The following PCNX2 variants were observed in gnomAD, a reference collection of about 807,000 sequenced individuals.
PCNX2 encodes pecanex 2, also known as pecanex-like protein 2.
Under a neutral mutation model 223.8 loss-of-function variants are expected in PCNX2, and 168 were observed. The ratio of observed to expected loss-of-function variants is 0.75; its 90% CI spans 0.66 to 0.85. The LOEUF (loss-of-function observed/expected upper bound fraction) is 0.85, where lower values mean the gene tolerates loss of function less well. Ranked by LOEUF, PCNX2 falls within the 40% of genes least tolerant of loss-of-function variation. The pLI is 0.00. For synonymous variants in PCNX2, 1,006 were observed against 1,052.6 expected (o/e 0.96, Z 0.86); for missense variants, 2,507 against 2,675.5 (o/e 0.94, Z 1.39).
chr1:233,178,974 A>T, intron 16 of PCNX2, 92 bp downstream of exon 16: 1 of 1,111,374 alleles, frequency 9.0e-7, no homozygotes, highest in Admixed American at 2.0e-5. Context: ...ATGGGCAGTG[A>T]ATTGCTGTCT....
chr1:233,273,727 G>A (rs1044785423), intron 1 of PCNX2, among the ~76,000 whole-genome samples: 1 of 151,792 alleles, frequency 6.6e-6, no homozygotes, highest in Non-Finnish European at 1.5e-5. Context: ...GGGTTCAAGC[G>A]ATTCTCCTGC....
the PCNX2 span, among the ~76,000 whole-genome samples, chr1:233,324,598 A>T: frequency 3.9e-5 from 5 of 127,542 alleles, no homozygotes; most frequent in South Asian, 2.6e-4. Context: ...GTTTACTGAA[A>T]TTTTTTTTTT....
intron 27 of PCNX2, among the ~76,000 whole-genome samples, chr1:233,016,389 C>T (rs1052874715): frequency 1.3e-5 from 2 of 152,184 alleles, no homozygotes; most frequent in African/African-American, 4.8e-5. Flanking sequence ...CTGCCCCTTT[C>T]TCCTCTTTTT....
At chr1:233,226,362 TG>T (rs1283234610) in intron 10 of PCNX2, among the ~76,000 whole-genome samples, 1 of 152,166 alleles carries the variant, frequency 6.6e-6, no homozygotes, top group East Asian at 1.9e-4. Flanking sequence ...CTCCGCCTCC[TG>T]GGTTCAAGCA....
chr1:233,181,144 A>C (rs1679775762), intron 15 of PCNX2: 2 of 145,854 alleles, frequency 1.4e-5, no homozygotes, highest in East Asian at 2.0e-4. Flanking sequence ...AGGATGTCCT[A>C]CTTTCTTTTC....
chr1:233,176,353 C>T (rs1194046641), intron 17 of PCNX2, among the ~76,000 whole-genome samples: 1 of 152,180 alleles, frequency 6.6e-6, no homozygotes. Context: ...CCTTTCTCTC[C>T]TTCTTCCTTT....
chr1:233,068,909 C>G (rs1672731141), intron 23 of PCNX2, among the ~76,000 whole-genome samples: 1 of 152,016 alleles, frequency 6.6e-6, no homozygotes, highest in Admixed American at 6.5e-5. Context: ...AGATGAAAAA[C>G]TATGACCTAC....
intron 1 of PCNX2, chr1:233,293,994 C>T (rs1041762858): frequency 4.1e-6 from 4 of 985,096 alleles, no homozygotes; most frequent in South Asian, 4.7e-5. Flanking sequence ...AATAAACTTG[C>T]ATTTATTGCA....
chr1:233,171,061 T>G (rs909312319), intron 17 of PCNX2, among the ~76,000 whole-genome samples: 6 of 152,238 alleles, frequency 3.9e-5, no homozygotes, highest in African/African-American at 1.4e-4. Flanking sequence ...TGTATCTTTA[T>G]TCTTCTCTTG....
chr1:233,179,611 G>A (rs1679680148), intron 15 of PCNX2, among the ~76,000 whole-genome samples: 1 of 152,184 alleles, frequency 6.6e-6, no homozygotes. Context: ...CTGAAAACCT[G>A]ATAAAGATTG....
At position 233,258,210 on chromosome 1, in the gene PCNX2, T is replaced by C; in HGVS notation, c.1652A>G (p.Asp551Gly). The C allele has an allele frequency of 1.9e-6, 3 of 1,613,994 alleles. No individual in the cohort carries two copies. The highest frequency in any genetic ancestry group is 2.5e-6 in the Non-Finnish European group (3 of 1,179,888). The change falls in exon 5 of 34, where the codon GAT becomes GGT. Residue 551 changes from aspartate to glycine, a missense_variant. Physicochemically the swap from Asp to Gly is moderately conservative, Grantham distance 94 (BLOSUM62 -1). This residue lies in a region of PCNX2 where 1,031 missense variants were observed against 1,021.7 expected (regional missense o/e 1.01). Transcript: ENST00000258229. ...LSKSSAEIVN[D>G]TEKTMPTSKS... ...GGAAGTTGGCATTGTTTTCTCTGTA[T>C]CGTTAACAATTTCTGCAGAACTTTT...
chr1:233,179,650 C>T (rs1679681753), intron 15 of PCNX2, among the ~76,000 whole-genome samples: 2 of 152,160 alleles, frequency 1.3e-5, no homozygotes, highest in South Asian at 2.1e-4. Flanking sequence ...CTCTTCAAAG[C>T]TTGTCTTGGT....
At chr1:233,309,315 G>A in the PCNX2 span, among the ~76,000 whole-genome samples, 1 of 152,072 alleles carries the variant, frequency 6.6e-6, no homozygotes, top group African/African-American at 2.4e-5. Flanking sequence ...GCCAAGGTAG[G>A]TGGATCATTT....
At chr1:233,147,158 G>A (rs1323304508) in intron 19 of PCNX2, among the ~76,000 whole-genome samples, 1 of 152,134 alleles carries the variant, frequency 6.6e-6, no homozygotes, top group African/African-American at 2.4e-5. Context: ...TGAACAAGGG[G>A]GAGGTTAGAG....
intron 12 of PCNX2, among the ~76,000 whole-genome samples, chr1:233,210,247 C>A (rs1345709343): frequency 2.0e-5 from 3 of 152,116 alleles, no homozygotes; most frequent in African/African-American, 7.2e-5. Flanking sequence ...GTCCCCAAAC[C>A]ATACTAAGCA....
Position 233,202,125 on chromosome 1 carries a change from A to G in PCNX2, c.2864-1861T>C, listed in dbSNP as rs1201785146. The G allele has an allele frequency of 2.2e-5, 10 of 457,810 alleles. No individual in the cohort carries two copies. In the East Asian group the frequency reaches 6.4e-4, roughly 29 times the overall value. The allele number at this position is 457,810 out of a possible 1,614,324, so 28.4% of individuals were successfully genotyped here. ...TGTCAGGTTGCAGTGAACGTGAAGG[A>G]AAAAGCAGCCAAATGCTTGTTATGT... is the stretch of plus-strand genomic sequence containing the variant. On this transcript the variant is annotated intron_variant, in intron 13 of 33. Transcript: ENST00000258229.
chr1:233,219,812 T>C (rs1323215028), intron 10 of PCNX2, among the ~76,000 whole-genome samples: 3 of 151,944 alleles, frequency 2.0e-5, no homozygotes, highest in Admixed American at 1.3e-4. Flanking sequence ...CCAAAGTCCA[T>C]AGTTTACATC....
chr1:233,101,670 C>G (rs1016011857), intron 21 of PCNX2, among the ~76,000 whole-genome samples: 3 of 152,140 alleles, frequency 2.0e-5, no homozygotes, highest in African/African-American at 7.2e-5. Context: ...GGGGCACTCC[C>G]CCAGCCCCTG....
Position 233,025,281 on chromosome 1 carries a change from A to G in PCNX2, c.4470T>C (p.Phe1490=). 1.9e-6 allele frequency: 3 copies of G among 1,613,980 alleles called. No individual in the cohort carries two copies. The highest frequency in any genetic ancestry group is 2.5e-6 in the Non-Finnish European group (3 of 1,179,898). ...TTTCCCAGGTGAGCCAGCGGAGGTGAAAGGCAGCGTTGCAGGACAGCAGGT... is the reference window on the plus strand; with the variant it reads ...TTTCCCAGGTGAGCCAGCGGAGGTGGAAGGCAGCGTTGCAGGACAGCAGGT... The part of the protein sequence containing the change: ...LPHLLSCNAA[F]HLRWLTWEIT... The change falls in exon 26 of 34, where the codon TTT becomes TTC. Residue 1490 remains phenylalanine (F), a synonymous_variant. Coordinates refer to ENST00000258229, the MANE Select transcript of PCNX2 (RefSeq NM_014801.4).
Sources: allele counts gnomAD v4.1 joint callset (sites outside exome capture counted in the v4.1 genomes callset), GRCh38; gene constraint gnomAD v4.1.1; regional missense constraint gnomAD v4.1.1; transcripts MANE v1.5; gene names NCBI Gene and HGNC (gene_info 2026-07-23, HGNC 2026-07-21).